The following UNC80 variants were observed in gnomAD, a reference collection of about 807,000 sequenced individuals.
UNC80 encodes the protein protein unc-80 homolog.
In UNC80, 164 loss-of-function variants were observed where a neutral mutation model predicts 384.6. The observed-to-expected ratio is 0.43, with a 90% CI of 0.38 to 0.49. The LOEUF (loss-of-function observed/expected upper bound fraction) is 0.49, where lower values mean the gene tolerates loss of function less well. Ranked by LOEUF, UNC80 falls within the 20% of genes least tolerant of loss-of-function variation. UNC80 has a pLI of 0.00. For synonymous variants in UNC80, 1,486 were observed against 1,527.8 expected, an observed-to-expected ratio of 0.97 and a Z score of 0.64; for missense variants, 3,330 against 4,143.0, an observed-to-expected ratio of 0.80 and a Z score of 5.39.
intron 20 of UNC80, among the ~76,000 whole-genome samples, chr2:209,841,500 G>C (rs1044180134): frequency 1.3e-5 from 2 of 151,826 alleles, no homozygotes; most frequent in African/African-American, 4.8e-5. Context: ...GGACTAGTGC[G>C]TGCCACCATG....
chr2:209,881,660 T>C (rs1281214716), intron 25 of UNC80, among the ~76,000 whole-genome samples: 6 of 151,976 alleles, frequency 3.9e-5, no homozygotes, highest in Non-Finnish European at 8.8e-5. Flanking sequence ...CATGCGTGCA[T>C]GCATATACAC....
chr2:209,902,884 C>T (rs989060178), intron 28 of UNC80, among the ~76,000 whole-genome samples: 1 of 149,686 alleles, frequency 6.7e-6, no homozygotes, highest in Non-Finnish European at 1.5e-5. Flanking sequence ...CTCAATATCT[C>T]CAAGGTATGC....
At chr2:209,939,994 C>T (rs796891703) in intron 43 of UNC80, among the ~76,000 whole-genome samples, 19 of 152,274 alleles carry the variant, frequency 1.2e-4, no homozygotes, top group African/African-American at 3.1e-4. Flanking sequence ...GCTCCACCTC[C>T]GGGTTTCAGG....
chr2:209,929,730 C>A (rs1306978820), intron 36 of UNC80, 141 bp from the exon 37 acceptor site: 2 of 559,756 alleles, frequency 3.6e-6, no homozygotes, highest in East Asian at 6.6e-5. Context: ...AGAACAAACA[C>A]CTACGTTGCA....
chr2:209,854,305 G>C (rs1337181640), intron 22 of UNC80, among the ~76,000 whole-genome samples: 3 of 151,090 alleles, frequency 2.0e-5, no homozygotes, highest in African/African-American at 7.4e-5. Context: ...TTTTTAAAAA[G>C]AGTCTAACTA....
At chr2:209,939,351 T>C in intron 42 of UNC80, 121 bp from the exon 43 acceptor site, 2 of 1,011,062 alleles carry the variant, frequency 2.0e-6, no homozygotes, top group Non-Finnish European at 2.8e-6. Context: ...TTTCACTTTT[T>C]CCCCTTTTCC....
chr2:209,828,886 C>T (rs2080746374), intron 14 of UNC80, among the ~76,000 whole-genome samples: 1 of 152,162 alleles, frequency 6.6e-6, no homozygotes, highest in African/African-American at 2.4e-5. Context: ...CATGGATTGT[C>T]AATTCTATCA....
chr2:209,893,397 G>C (rs2086528835), intron 26 of UNC80, among the ~76,000 whole-genome samples: 1 of 152,136 alleles, frequency 6.6e-6, no homozygotes, highest in Non-Finnish European at 1.5e-5. Flanking sequence ...AAGAAAGATA[G>C]GTTCAAGTTT....
intron 1 of UNC80, 59 bp from the exon 2 acceptor site, chr2:209,773,035 G>A: frequency 7.5e-7 from 1 of 1,336,334 alleles, no homozygotes; most frequent in Non-Finnish European, 1.1e-6. Flanking sequence ...ACGTCACAAG[G>A]ATGCTTTAAT....
rs1432384222 is a variant in UNC80, at chr2:209,926,963, A to T, written c.5783A>T (p.Glu1928Val). 3 of 1,552,016 alleles carry T rather than the reference A, an allele frequency of 1.9e-6. No homozygotes were observed. In the Admixed American group the frequency reaches 5.9e-5, roughly 30 times the overall value. ...ATTGTTCATCTGATGGAGGATGGTG[A>T]GGTGCGGGAAGATGGAGTAGCAGGT... is the stretch of plus-strand genomic sequence containing the variant. ...LPIVHLMEDG[E>V]VREDGVAVSA... Residue 1928 changes from glutamate to valine, a missense_variant, in exon 36 of 65, where the codon GAG becomes GTG. This residue lies in a region of UNC80 where 1,049 missense variants were observed against 1,488.6 expected (regional missense o/e 0.70). Coordinates refer to ENST00000673920, the MANE Select transcript of UNC80 (RefSeq NM_001371986.1).
chr2:209,918,730 A>C (rs2089773363), intron 33 of UNC80, 67 bp downstream of exon 33: 2 of 1,433,516 alleles, frequency 1.4e-6, no homozygotes, highest in Non-Finnish European at 1.9e-6. Context: ...ATTTGTGGTA[A>C]TTTGTTCATT....
chr2:209,856,163 G>T (rs1432145240), intron 22 of UNC80, among the ~76,000 whole-genome samples: 2 of 152,006 alleles, frequency 1.3e-5, no homozygotes, highest in Admixed American at 6.6e-5. Context: ...TAACAATGTG[G>T]TGCTTTAAAG....
chr2:209,949,499 CAG>C (rs971148360), intron 47 of UNC80, among the ~76,000 whole-genome samples: 11 of 150,492 alleles, frequency 7.3e-5, no homozygotes, highest in Admixed American at 2.7e-4. Context: ...ATTTTTGAGA[CAG>C]AGTCTTGCTC....
chr2:209,912,663 T>C lies in UNC80; in HGVS notation c.4886T>C (p.Leu1629Pro). ...KDSGMLKYIR[L>P]QVMSLSPAPL... ...TCCGGAATGCTGAAGTACATCAGAC[T>C]TCAGGTATTGTTACCTGGATCAGAA... is the stretch of plus-strand genomic sequence containing the variant. The change falls in exon 30 of 65, where the codon CTT becomes CCT. Residue 1629 changes from leucine (L) to proline (P), a missense_variant. This residue lies in a region of UNC80 where 801 missense variants were observed against 950.8 expected (regional missense o/e 0.84). Transcript: ENST00000673920. 1 of 1,548,456 alleles carries C rather than the reference T, an allele frequency of 6.5e-7. No individual in the cohort carries two copies. The highest frequency in any genetic ancestry group is 8.7e-7 in the Non-Finnish European group (1 of 1,144,622).
chr2:209,868,839 C>A (rs1237416879), intron 22 of UNC80, among the ~76,000 whole-genome samples: 1 of 152,154 alleles, frequency 6.6e-6, no homozygotes, highest in Admixed American at 6.5e-5. Context: ...TAGGTTCAAT[C>A]TAATATTTTG....
chr2:209,816,914 G>C lies in UNC80; in HGVS notation c.1341G>C (p.Lys447Asn). Residue 447 changes from lysine (K) to asparagine (N), a missense_variant, in exon 10 of 65, where the codon AAG becomes AAC. Physicochemically the swap from Lys to Asn is moderately conservative, Grantham distance 94. Coordinates refer to ENST00000673920, the MANE Select transcript of UNC80 (RefSeq NM_001371986.1). ...DLGMNIFKKF[K>N]SRKEDRERKG... ...TACACCTCTCATCACTGTAGTTCAA[G>C]AGCCGCAAAGAAGACCGAGAGAGGA... The C allele has an allele frequency of 6.4e-7, 1 of 1,551,642 alleles. No individual in the cohort carries two copies. The highest frequency in any genetic ancestry group is 8.7e-7 in the Non-Finnish European group (1 of 1,146,994).
chr2:209,921,408 A>G, intron 33 of UNC80, 92 bp from the exon 34 acceptor site: 4 of 1,246,034 alleles, frequency 3.2e-6, no homozygotes, highest in Non-Finnish European at 4.4e-6. Flanking sequence ...AGGACAAACT[A>G]CTACGTTTGT....
intron 60 of UNC80, 107 bp from the exon 61 acceptor site, chr2:209,984,749 A>G (rs976445995): frequency 3.0e-6 from 3 of 1,007,030 alleles, no homozygotes; most frequent in Non-Finnish European, 4.3e-6. Flanking sequence ...GGTTAAATCT[A>G]TTTATTTTTG....
intron 39 of UNC80, among the ~76,000 whole-genome samples, chr2:209,935,038 C>T (rs1420636552): frequency 1.3e-5 from 2 of 152,144 alleles, no homozygotes; most frequent in African/African-American, 4.8e-5. Context: ...AAGAAGAATA[C>T]AGAAAATGTA....
Sources: allele counts gnomAD v4.1 joint callset (sites outside exome capture counted in the v4.1 genomes callset), GRCh38; gene constraint gnomAD v4.1.1; regional missense constraint gnomAD v4.1.1; transcripts MANE v1.5; gene names NCBI Gene and HGNC (gene_info 2026-07-23, HGNC 2026-07-21).